Variants in EBF1 observed in about 807,000 individuals in gnomAD.
EBF1 encodes the protein EBF transcription factor 1.
In EBF1, 10 loss-of-function variants were observed where a neutral mutation model predicts 68.4. That is an observed-to-expected ratio of 0.15 (90% CI 0.09 to 0.25). EBF1 has a LOEUF of 0.25. EBF1 is among the 10% of genes least tolerant of loss of function. The pLI is 1.00. For missense variants in EBF1, 509 were observed against 794.4 expected, an observed-to-expected ratio of 0.64 and a Z score of 4.32; for synonymous variants, 298 against 299.8, an observed-to-expected ratio of 0.99 and a Z score of 0.06.
intron 6 of EBF1, among the ~76,000 whole-genome samples, chr5:158,961,576 A>G (rs1368991541): frequency 1.3e-5 from 2 of 150,870 alleles, no homozygotes; most frequent in African/African-American, 4.8e-5. Context: ...TGATATATAC[A>G]GAGAAAATAT....
intron 10 of EBF1, among the ~76,000 whole-genome samples, chr5:158,756,707 G>T (rs1770177407): frequency 6.6e-6 from 1 of 151,330 alleles, no homozygotes; most frequent in South Asian, 2.1e-4. Context: ...ATTTAATAAA[G>T]AAATAGATGA....
chr5:158,987,749 A>T (rs1759386273), intron 6 of EBF1, among the ~76,000 whole-genome samples: 1 of 152,216 alleles, frequency 6.6e-6, no homozygotes, highest in South Asian at 2.1e-4. Context: ...AAGATATAAG[A>T]ACTCTTCTGA....
intron 10 of EBF1, among the ~76,000 whole-genome samples, chr5:158,746,078 C>G (rs1015499937): frequency 6.6e-6 from 1 of 152,124 alleles, no homozygotes; most frequent in African/African-American, 2.4e-5. Flanking sequence ...TTATTTCCAG[C>G]TTGGGGGAAG....
At chr5:158,983,329 T>C (rs939791201) in intron 6 of EBF1, 1 of 152,192 alleles carries the variant, frequency 6.6e-6, no homozygotes, top group African/African-American at 2.4e-5. Flanking sequence ...TATTCACTTA[T>C]TAAGTTCTCT....
chr5:158,832,868 C>T (rs1787891841), intron 7 of EBF1, among the ~76,000 whole-genome samples: 1 of 152,164 alleles, frequency 6.6e-6, no homozygotes, highest in Non-Finnish European at 1.5e-5. Flanking sequence ...AAGCAAAACA[C>T]ATTTTTGGTG....
Position 159,095,669 on chromosome 5 carries a change from C to T in EBF1, c.362G>A (p.Arg121Lys), listed in dbSNP as rs1214563913. ...GCGCACGTAGAAATCCTGCTCCGTC[C>T]TTATCCCTAGGGTTGGAAATGGGGG... The part of the protein sequence containing the change: ...RLQLLYSNGI[R>K]TEQDFYVRLI... Residue 121 changes from arginine (R) to lysine (K), a missense_variant, in exon 4 of 16, where the codon AGG becomes AAG. Physicochemically the swap from Arg to Lys is conservative, Grantham distance 26 (BLOSUM62 2). Transcript: ENST00000313708. 1 of 1,614,074 alleles carries T rather than the reference C, an allele frequency of 6.2e-7. No homozygotes were observed.
intron 10 of EBF1, among the ~76,000 whole-genome samples, chr5:158,746,388 T>G (rs1767566841): frequency 6.6e-6 from 1 of 152,138 alleles, no homozygotes; most frequent in African/African-American, 2.4e-5. Flanking sequence ...TGAAAGAATT[T>G]TAAGCTTAGA....
In EBF1 at chr5:158,778,923, T is replaced by A. The variant is rs1775852861; in HGVS notation, c.910-1384A>T. ...CAGGTTTCTAAGATTTTGAAATTAT[T>A]TCTCTTTTATTCCGCTTCTTTGTCT... is the stretch of plus-strand genomic sequence containing the variant. On this transcript the variant is annotated intron_variant, in intron 9 of 15. Transcript: ENST00000313708. 2.0e-5 allele frequency among the ~76,000 whole-genome samples: 3 copies of A among 152,216 alleles called. No individual in the cohort carries two copies. In the South Asian group the frequency reaches 6.2e-4, roughly 31 times the overall value.
intron 9 of EBF1, among the ~76,000 whole-genome samples, chr5:158,783,369 C>T (rs984455374): frequency 6.6e-6 from 1 of 152,106 alleles, no homozygotes; most frequent in African/African-American, 2.4e-5. Flanking sequence ...AAAGGAAAAA[C>T]TTCAAAATGT....
At chr5:159,099,214 G>T in intron 1 of EBF1, 131 bp downstream of exon 1, 1 of 626,750 alleles carries the variant, frequency 1.6e-6, no homozygotes, top group Non-Finnish European at 2.3e-6. Flanking sequence ...GGCGGAGAGC[G>T]GAGCGCAGCG....
chr5:159,073,111 C>T (rs954717265), intron 6 of EBF1, among the ~76,000 whole-genome samples: 5 of 152,140 alleles, frequency 3.3e-5, no homozygotes, highest in Non-Finnish European at 7.4e-5. Context: ...TCTGAAGCTT[C>T]CTGGCACAGC....
rs1005666237 is a variant in EBF1, at chr5:158,852,160, C to T, written c.555-12050G>A. On this transcript the variant is annotated intron_variant, in intron 6 of 15. Coordinates refer to ENST00000313708, the MANE Select transcript of EBF1 (RefSeq NM_024007.5). Reference sequence around the variant, plus strand: ...GCTTCAAGGAAAATAAATAAACTCACTTTTCAACCAAAAAAAAAAGTACAT... The same window carrying T: ...GCTTCAAGGAAAATAAATAAACTCATTTTTCAACCAAAAAAAAAAGTACAT... Among the ~76,000 whole-genome samples the T allele has an allele frequency of 2.3e-5, 3 of 128,286 alleles. No homozygotes were observed. The Admixed American group carries it at 2.3e-4, about 10-fold the overall frequency. 84.2% of individuals were successfully genotyped at this position (128,286 alleles called of 152,430 possible).
chr5:158,871,903 C>A (rs1019855559), intron 6 of EBF1, among the ~76,000 whole-genome samples: 2 of 152,186 alleles, frequency 1.3e-5, no homozygotes, highest in Non-Finnish European at 2.9e-5. Context: ...CCAGACAGCA[C>A]CAGCTTGGAA....
rs1779536529 is a variant in EBF1 at position 159,080,373 on chromosome 5, C to T, written c.485+4293G>A. Among the ~76,000 whole-genome samples the T allele has an allele frequency of 2.6e-5, 4 of 152,318 alleles. No individual in the cohort carries two copies. In the South Asian group the frequency reaches 8.3e-4, roughly 32 times the overall value. ...CTCGTTATCTGCCAACCAATATCAT[C>T]TCCCAGGCCACACCATAAGCTCCCC... is the stretch of plus-strand genomic sequence containing the variant. On this transcript the variant is annotated intron_variant, in intron 5 of 15. Coordinates refer to ENST00000313708, the MANE Select transcript of EBF1 (RefSeq NM_024007.5).
chr5:158,872,300 G>A (rs911231036), intron 6 of EBF1, among the ~76,000 whole-genome samples: 1 of 151,564 alleles, frequency 6.6e-6, no homozygotes, highest in Non-Finnish European at 1.5e-5. Flanking sequence ...GGGTTCCATC[G>A]ATTCTCTTGT....
chr5:158,811,118 AT>A (rs1782570251), intron 8 of EBF1, among the ~76,000 whole-genome samples: 1 of 152,156 alleles, frequency 6.6e-6, no homozygotes, highest in Non-Finnish European at 1.5e-5. Context: ...TCCACTGAGT[AT>A]TTCAAGTTGC....
chr5:158,892,230 T>A (rs1322029013), intron 6 of EBF1, among the ~76,000 whole-genome samples: 2 of 152,216 alleles, frequency 1.3e-5, no homozygotes, highest in Non-Finnish European at 2.9e-5. Flanking sequence ...GGCTTATGCC[T>A]GTAATCCCAT....
At chr5:159,081,104 C>A (rs1779672888) in intron 5 of EBF1, among the ~76,000 whole-genome samples, 1 of 152,168 alleles carries the variant, frequency 6.6e-6, no homozygotes. Flanking sequence ...CCTCAGCCCC[C>A]TGAGTAGCTG....
intron 6 of EBF1, among the ~76,000 whole-genome samples, chr5:158,851,230 C>T (rs559968051): frequency 6.6e-6 from 1 of 151,214 alleles, no homozygotes; most frequent in African/African-American, 2.4e-5. Flanking sequence ...CAAAAATTAG[C>T]CAGGCGTGGT....
Sources: gnomAD v4.1 joint callset for allele counts (sites outside exome capture counted in the v4.1 genomes callset) on GRCh38, gnomAD v4.1.1 for gene constraint, MANE v1.5 for transcripts, NCBI Gene and HGNC (gene_info 2026-07-23, HGNC 2026-07-21) for gene names.